Variants in MMP16 observed in about 807,000 individuals in gnomAD.
The protein encoded by MMP16 is matrix metallopeptidase 16.
MMP16 carries 12 observed loss-of-function variants against 67.8 expected under a neutral mutation model. That is an observed-to-expected ratio of 0.18 (90% CI 0.11 to 0.29). MMP16 has a LOEUF of 0.29. Ranked by LOEUF, MMP16 falls within the 10% of genes least tolerant of loss-of-function variation. The pLI, the probability that MMP16 is intolerant of heterozygous loss-of-function variation, is 1.00. For missense variants in MMP16, 475 were observed against 765.7 expected, an observed-to-expected ratio of 0.62 and a Z score of 4.48; for synonymous variants, 249 against 255.9, an observed-to-expected ratio of 0.97 and a Z score of 0.26.
At chr8:88,214,235 G>C (rs1243578909) in intron 1 of MMP16, among the ~76,000 whole-genome samples, 1 of 152,086 alleles carries the variant, frequency 6.6e-6, no homozygotes, top group Non-Finnish European at 1.5e-5. Flanking sequence ...GCAAAAACCT[G>C]AACCTTTTAT....
chr8:88,248,413 T>C (rs1563573492), intron 1 of MMP16, among the ~76,000 whole-genome samples: 1 of 152,044 alleles, frequency 6.6e-6, no homozygotes, highest in Non-Finnish European at 1.5e-5. Context: ...CAATGTAGAT[T>C]GTGAAATGTT....
intron 7 of MMP16, among the ~76,000 whole-genome samples, chr8:88,070,262 C>T (rs1363405009): frequency 6.6e-6 from 1 of 152,072 alleles, no homozygotes; most frequent in African/African-American, 2.4e-5. Context: ...TGTTCTAGGA[C>T]TCTTATTTGG....
chr8:88,246,238 T>C (rs970083302), intron 1 of MMP16, among the ~76,000 whole-genome samples: 3 of 152,198 alleles, frequency 2.0e-5, no homozygotes, highest in Admixed American at 6.6e-5. Flanking sequence ...GTGTGATTTA[T>C]TATTCATTTA....
intron 1 of MMP16, among the ~76,000 whole-genome samples, chr8:88,264,080 TG>T (rs1810436748): frequency 2.0e-5 from 3 of 151,130 alleles, no homozygotes; most frequent in Non-Finnish European, 2.9e-5. Flanking sequence ...TGTGTGTGTG[TG>T]TGTGTGTGTG....
At chr8:88,147,970 C>T (rs923820144) in intron 4 of MMP16, among the ~76,000 whole-genome samples, 6 of 152,132 alleles carry the variant, frequency 3.9e-5, no homozygotes, top group East Asian at 1.9e-4. Context: ...TCATTTTGTA[C>T]TATTTTCCGT....
intron 3 of MMP16, among the ~76,000 whole-genome samples, chr8:88,169,895 T>C (rs765807284): frequency 2.6e-5 from 4 of 152,154 alleles, no homozygotes; most frequent in African/African-American, 9.7e-5. Context: ...TGGAGCGTCA[T>C]GAACAGAGAC....
At chr8:88,086,777 C>T (rs1808840352) in intron 6 of MMP16, among the ~76,000 whole-genome samples, 1 of 151,918 alleles carries the variant, frequency 6.6e-6, no homozygotes, top group Admixed American at 6.6e-5. Context: ...TCTCTTCAAT[C>T]TCTTTCTATC....
At chr8:88,185,693 T>C (rs983580347) in intron 3 of MMP16, among the ~76,000 whole-genome samples, 2 of 152,172 alleles carry the variant, frequency 1.3e-5, no homozygotes, top group Admixed American at 6.5e-5. Context: ...ACAAGTTCTT[T>C]CCTTCCTATG....
intron 6 of MMP16, among the ~76,000 whole-genome samples, chr8:88,106,145 C>T (rs548834116): frequency 2.0e-5 from 3 of 150,860 alleles, no homozygotes; most frequent in Non-Finnish European, 4.5e-5. Context: ...TGGCTACATA[C>T]ATCACCACCC....
chr8:88,051,592 C>G (rs987859840), intron 8 of MMP16, among the ~76,000 whole-genome samples: 9 of 152,134 alleles, frequency 5.9e-5, no homozygotes, highest in Non-Finnish European at 7.4e-5. Context: ...ATCAATATAT[C>G]AGTTTTTGCT....
At chr8:88,099,300 C>T (rs979787931) in intron 6 of MMP16, among the ~76,000 whole-genome samples, 5 of 151,760 alleles carry the variant, frequency 3.3e-5, no homozygotes, top group Non-Finnish European at 7.4e-5. Flanking sequence ...GGTCCCATAT[C>T]ACTTCTGATA....
intron 1 of MMP16, among the ~76,000 whole-genome samples, chr8:88,266,866 T>C (rs138457638): frequency 3.9e-5 from 6 of 152,324 alleles, no homozygotes; most frequent in Non-Finnish European, 7.3e-5. Flanking sequence ...TATCCTCAAA[T>C]TGCTATTTCA....
intron 1 of MMP16, among the ~76,000 whole-genome samples, chr8:88,290,435 T>C (rs1022328611): frequency 4.0e-5 from 6 of 151,844 alleles, no homozygotes; most frequent in African/African-American, 1.5e-4. Context: ...CACCTGTACT[T>C]ACAGCTATTC....
At chr8:88,206,753 G>A (rs1809433822) in intron 1 of MMP16, among the ~76,000 whole-genome samples, 1 of 152,112 alleles carries the variant, frequency 6.6e-6, no homozygotes, top group South Asian at 2.1e-4. Flanking sequence ...ATATGCTGTA[G>A]GAACTTAACT....
intron 6 of MMP16, among the ~76,000 whole-genome samples, chr8:88,099,493 AT>A (rs1243658654): frequency 1.3e-5 from 2 of 151,892 alleles, no homozygotes; most frequent in African/African-American, 4.8e-5. Context: ...CAGTTCAGCT[AT>A]TTTGAAACAT....
chr8:88,257,976 A>C (rs1193426192), intron 1 of MMP16, among the ~76,000 whole-genome samples: 1 of 152,194 alleles, frequency 6.6e-6, no homozygotes, highest in African/African-American at 2.4e-5. Context: ...AGGAATAGTC[A>C]TAACACAGGA....
intron 4 of MMP16, among the ~76,000 whole-genome samples, chr8:88,133,525 G>A (rs1808068603): frequency 6.6e-6 from 1 of 151,758 alleles, no homozygotes; most frequent in Non-Finnish European, 1.5e-5. Context: ...TGAAGAATAT[G>A]TTCTCTATTC....
intron 4 of MMP16, among the ~76,000 whole-genome samples, chr8:88,123,922 C>G (rs1019961109): frequency 2.0e-5 from 3 of 151,920 alleles, no homozygotes; most frequent in Admixed American, 1.3e-4. Context: ...CCTCAACATT[C>G]CACCTAGGCT....
At chr8:88,219,615 A>G (rs1809646405) in intron 1 of MMP16, among the ~76,000 whole-genome samples, 1 of 152,166 alleles carries the variant, frequency 6.6e-6, no homozygotes, top group Admixed American at 6.6e-5. Context: ...CTATGAGACC[A>G]ACAGCCATTT....
Sources: allele counts gnomAD v4.1 joint callset (sites outside exome capture counted in the v4.1 genomes callset), GRCh38; gene constraint gnomAD v4.1.1; transcripts MANE v1.5; gene names NCBI Gene and HGNC (gene_info 2026-07-23, HGNC 2026-07-21).